The following NEO1 variants were observed in gnomAD, a reference collection of about 807,000 sequenced individuals.
The protein encoded by NEO1 is neogenin 1.
In NEO1, 63 loss-of-function variants were observed where a neutral mutation model predicts 159.7. The observed-to-expected ratio is 0.39, with a 90% CI of 0.32 to 0.49. The LOEUF (loss-of-function observed/expected upper bound fraction) is 0.49. Among genes scored for constraint, NEO1 ranks in the 20% least tolerant of loss-of-function variants. The pLI is 0.85. For synonymous variants in NEO1, 633 were observed against 662.0 expected, an observed-to-expected ratio of 0.96 and a Z score of 0.67; for missense variants, 1,615 against 1,831.0, an observed-to-expected ratio of 0.88 and a Z score of 2.15.
At chr15:73,140,521 A>G (rs1335274042) in intron 5 of NEO1, among the ~76,000 whole-genome samples, 4 of 152,210 alleles carry the variant, frequency 2.6e-5, no homozygotes, top group African/African-American at 9.7e-5. Context: ...GTGCCGCTGC[A>G]TTCCAGTCTG....
intron 7 of NEO1, among the ~76,000 whole-genome samples, chr15:73,197,373 A>G (rs934057751): frequency 3.3e-5 from 5 of 152,118 alleles, no homozygotes; most frequent in Admixed American, 6.5e-5. Flanking sequence ...AGAAAAAAAT[A>G]TACTTCTAAG....
intron 7 of NEO1, among the ~76,000 whole-genome samples, chr15:73,211,553 A>G (rs1468790201): frequency 6.6e-6 from 1 of 152,168 alleles, no homozygotes; most frequent in Non-Finnish European, 1.5e-5. Context: ...CGTCTCTACT[A>G]AAAATACAAA....
At chr15:73,231,211 T>C (rs2150823416) in intron 7 of NEO1, among the ~76,000 whole-genome samples, 1 of 152,300 alleles carries the variant, frequency 6.6e-6, no homozygotes, top group South Asian at 2.1e-4. Flanking sequence ...CTAACTGACA[T>C]TATGAATCTT....
intron 1 of NEO1, among the ~76,000 whole-genome samples, chr15:73,085,095 G>T (rs2069280958): frequency 6.6e-6 from 1 of 151,222 alleles, no homozygotes; most frequent in Non-Finnish European, 1.5e-5. Flanking sequence ...AGTTAAAAAA[G>T]TTTTTTTTTA....
rs1473279917 is a variant in NEO1 at position 73,249,676 on chromosome 15, C to G, written c.1849C>G (p.Pro617Ala). The G allele has an allele frequency of 6.2e-7, 1 of 1,613,342 alleles. No homozygotes were observed. Among genetic ancestry groups the G allele is most frequent in the Admixed American group, 1.7e-5 (1 of 59,780 alleles). Residue 617 changes from proline to alanine, a missense_variant, in exon 11 of 29, where the codon CCT (proline) becomes GCT (alanine). Physicochemically the swap from Pro to Ala is conservative, Grantham distance 27 (BLOSUM62 -1). Coordinates refer to ENST00000261908, the MANE Select transcript of NEO1 (RefSeq NM_002499.4). ...AGTGGTGGCCTACAATAAACATGGT[C>G]CTGGAGTTTCCACACCAGATGTTGC... ...FRVVAYNKHGPGVSTPDVAVR... is the reference protein window; with the variant it reads ...FRVVAYNKHGAGVSTPDVAVR...
At chr15:73,133,371 GGTACA>G (rs1362131815) in intron 4 of NEO1, among the ~76,000 whole-genome samples, 1 of 152,058 alleles carries the variant, frequency 6.6e-6, no homozygotes, top group Non-Finnish European at 1.5e-5. Context: ...GCATAAGAAT[GGTACA>G]GTGGACTTTG....
intron 8 of NEO1, among the ~76,000 whole-genome samples, chr15:73,239,393 C>A (rs62015463): frequency 6.6e-6 from 1 of 152,024 alleles, no homozygotes; most frequent in African/African-American, 2.4e-5. Context: ...CATACAAACA[C>A]GTTTATTTAT....
At chr15:73,141,400 A>G (rs2032372469) in intron 5 of NEO1, among the ~76,000 whole-genome samples, 1 of 152,206 alleles carries the variant, frequency 6.6e-6, no homozygotes, top group African/African-American at 2.4e-5. Flanking sequence ...AGTGACGTGA[A>G]TTAGCCCATC....
chr15:73,207,958 A>G (rs2037329819), intron 7 of NEO1, among the ~76,000 whole-genome samples: 1 of 152,222 alleles, frequency 6.6e-6, no homozygotes, highest in South Asian at 2.1e-4. Flanking sequence ...GAGGCTTCTC[A>G]TTATACTTAC....
rs1426218543 is a variant in NEO1, at chr15:73,122,089, A to G, written c.449-436A>G. On this transcript the variant is annotated intron_variant, in intron 2 of 28. Transcript: ENST00000261908. ...TATATATATATATATATATATATAT[A>G]TATATACACATTATATATATTATAT... 9.6e-5 allele frequency among the ~76,000 whole-genome samples: 10 copies of G among 104,604 alleles called. 1 individual carries two copies. Among genetic ancestry groups the G allele is most frequent in the African/African-American group, 3.4e-4 (10 of 29,000 alleles). 68.6% of individuals were successfully genotyped at this position (104,604 alleles called of 152,430 possible).
intron 27 of NEO1, among the ~76,000 whole-genome samples, chr15:73,300,551 G>A (rs1261710739): frequency 6.6e-6 from 1 of 152,142 alleles, no homozygotes; most frequent in Non-Finnish European, 1.5e-5. Context: ...CCACCATGGT[G>A]AAACCCCGCC....
chr15:73,244,409 C>T lies in NEO1; in HGVS notation c.1517C>T (p.Ala506Val), dbSNP rs772166964. ...GTAACCATTCAAAACCTAATGCCAGCGACCGTGTACATCTTTAGAGTTATG... is the reference window on the plus strand; with the variant it reads ...GTAACCATTCAAAACCTAATGCCAGTGACCGTGTACATCTTTAGAGTTATG... Reference protein sequence around the residue: ...MQVTIQNLMPATVYIFRVMAQ... With the variant: ...MQVTIQNLMPVTVYIFRVMAQ... The change falls in exon 9 of 29, where the codon GCG becomes GTG. Residue 506 changes from alanine to valine, a missense_variant. This residue lies in a region of NEO1 where 1,018 missense variants were observed against 1,115.4 expected (regional missense o/e 0.91). Transcript: ENST00000261908. The T allele has an allele frequency of 1.1e-5, 18 of 1,613,796 alleles. No homozygotes were observed. The highest frequency in any genetic ancestry group is 1.4e-5 in the Non-Finnish European group (17 of 1,179,906).
intron 8 of NEO1, among the ~76,000 whole-genome samples, chr15:73,236,735 G>C (rs1042644515): frequency 1.3e-5 from 2 of 152,146 alleles, no homozygotes; most frequent in African/African-American, 4.8e-5. Context: ...CAGCTATTGA[G>C]GTGGACGTAT....
intron 5 of NEO1, among the ~76,000 whole-genome samples, chr15:73,139,159 C>T (rs1396273239): frequency 2.0e-5 from 3 of 152,084 alleles, no homozygotes; most frequent in Admixed American, 6.6e-5. Flanking sequence ...ATACACCATA[C>T]ACAAAAATCA....
chr15:73,057,518 A>G (rs888325105), intron 1 of NEO1, among the ~76,000 whole-genome samples: 3 of 152,210 alleles, frequency 2.0e-5, no homozygotes, highest in African/African-American at 7.2e-5. Context: ...GATCATATTG[A>G]CCGGAGAGCT....
rs2041285720 is a variant in NEO1, at chr15:73,273,807, A to G, written c.2966-4A>G. 2 of 1,604,052 alleles carry G rather than the reference A, an allele frequency of 1.2e-6. No individual in the cohort carries two copies. Among genetic ancestry groups the G allele is most frequent in the Admixed American group, 3.5e-5 (2 of 57,868 alleles). On this transcript the variant is annotated splice_region_variant and splice_polypyrimidine_tract_variant and intron_variant, in intron 19 of 28. Coordinates refer to ENST00000261908, the MANE Select transcript of NEO1 (RefSeq NM_002499.4). The stretch of plus-strand genomic sequence containing the variant: ...TTTCTTTTCCCATTAATTCCTTTGG[A>G]CAGGTTACATCATATATTACAGTAC...
rs115242166 is a variant in NEO1 at position 73,233,505 on chromosome 15, A to T, written c.1292-2842A>T. On this transcript the variant is annotated intron_variant, in intron 7 of 28. Coordinates refer to ENST00000261908, the MANE Select transcript of NEO1 (RefSeq NM_002499.4). ...CCATTTATTAATTCAATAAATGTAC[A>T]CTTGGTTATCTAAAGTATACAGAGG... Among the ~76,000 whole-genome samples, 485 of 152,286 alleles carry T rather than the reference A, an allele frequency of 3.2e-3. 2 individuals carry two copies. The highest frequency in any genetic ancestry group is 0.011 in the African/African-American group (473 of 41,562).
At chr15:73,208,385 G>A (rs1444330564) in intron 7 of NEO1, among the ~76,000 whole-genome samples, 2 of 152,134 alleles carry the variant, frequency 1.3e-5, no homozygotes, top group Non-Finnish European at 2.9e-5. Context: ...CTGTACAGTG[G>A]TTATCTTTAC....
intron 5 of NEO1, among the ~76,000 whole-genome samples, chr15:73,140,012 C>T (rs936784606): frequency 2.6e-5 from 4 of 152,172 alleles, no homozygotes; most frequent in African/African-American, 7.2e-5. Context: ...ACTTGAACAT[C>T]GACCTGGAAG....
Sources: gnomAD v4.1 joint callset for allele counts (sites outside exome capture counted in the v4.1 genomes callset) on GRCh38, gnomAD v4.1.1 for gene constraint, gnomAD v4.1.1 regional missense constraint, MANE v1.5 for transcripts, NCBI Gene and HGNC (gene_info 2026-07-23, HGNC 2026-07-21) for gene names.